Variants in PGK2 observed in about 807,000 individuals in gnomAD.
The protein encoded by PGK2 is epididymis secretory protein Li 272.
PGK2 carries 5 observed loss-of-function variants against 5.2 expected under a neutral mutation model. That is an observed-to-expected ratio of 0.96 (90% CI 0.50 to 2.01). The LOEUF (loss-of-function observed/expected upper bound fraction) is 2.01. Among genes scored for constraint, PGK2 ranks in the 30% most tolerant of loss-of-function variants. The probability of loss-of-function intolerance (pLI) is 0.01; values close to 1 mark genes in which losing one functional copy is unlikely to be tolerated. For missense variants in PGK2, 588 were observed against 506.8 expected (o/e 1.16, Z -1.54); for synonymous variants, 210 against 182.6 (o/e 1.15, Z -1.21).
chr6:49,787,264 G>A lies in PGK2; in HGVS notation c.-77C>T, dbSNP rs2127460135. ...CAACTTGCTGTTGAGGGGCTGGGTC[G>A]GTGGTGACTTCTAACGCCTTTGCCC... On this transcript the variant is annotated 5_prime_UTR_variant, in exon 1 of 1. Coordinates refer to ENST00000304801, the MANE Select transcript of PGK2 (RefSeq NM_138733.5). 4 of 1,068,342 alleles carry A rather than the reference G, an allele frequency of 3.7e-6. No homozygotes were observed. The highest frequency in any genetic ancestry group is 5.6e-6 in the Non-Finnish European group (4 of 710,956). The allele number at this position is 1,068,342 out of a possible 1,614,324, so 66.2% of individuals were successfully genotyped here. A position where few individuals can be genotyped will look rare whatever the true frequency, so the allele number is the denominator to read the frequency against.
In PGK2 at chr6:49,787,238, C is replaced by A. The variant is rs769426352; in HGVS notation, c.-51G>T. 1.4e-6 allele frequency: 2 copies of A among 1,438,198 alleles called. No homozygotes were observed. Among genetic ancestry groups the A allele is most frequent in the Non-Finnish European group, 1.9e-6 (2 of 1,038,796 alleles). The allele number at this position is 1,438,198 out of a possible 1,614,324, so 89.1% of individuals were successfully genotyped here. A position where few individuals can be genotyped will look rare whatever the true frequency, so the allele number is the denominator to read the frequency against. ...ACACCTGGATCTTAATGCTGAAGAA[C>A]CAACTTGCTGTTGAGGGGCTGGGTC... On this transcript the variant is annotated 5_prime_UTR_variant, in exon 1 of 1. Coordinates refer to ENST00000304801, the MANE Select transcript of PGK2 (RefSeq NM_138733.5).
chr6:49,786,653 C>G lies in PGK2; in HGVS notation c.535G>C (p.Val179Leu), dbSNP rs1353302454. ...CCGGATGCTTTATGGGGCAGATTCA[C>G]TCCCACCATGGAACTATGAGCGCGG... ...AHRAHSSMVG[V>L]NLPHKASGFL... Residue 179 changes from valine to leucine, a missense_variant, in exon 1 of 1, where the codon GTG (valine) becomes CTG (leucine). Transcript: ENST00000304801. The G allele has an allele frequency of 1.2e-6, 2 of 1,614,020 alleles. No homozygotes were observed. Among genetic ancestry groups the G allele is most frequent in the African/African-American group, 1.3e-5 (1 of 74,922 alleles).
In PGK2 at chr6:49,785,682, G is replaced by A; in HGVS notation, c.*252C>T. The stretch of plus-strand genomic sequence containing the variant: ...TTCTTCAGCTCACTTTCTTTAATAG[G>A]CAACTTAAGAATATGTCCTCCCTAG... On this transcript the variant is annotated 3_prime_UTR_variant, in exon 1 of 1. Transcript: ENST00000304801. 2.6e-6 allele frequency: 1 copy of A among 389,186 alleles called. No homozygotes were observed. 24.1% of individuals were successfully genotyped at this position (389,186 alleles called of 1,614,324 possible).
Position 49,785,957 on chromosome 6 carries a change from C to T in PGK2, c.1231G>A (p.Val411Ile), listed in dbSNP as rs1388619639. ...AACTACATGTTGCTGAGGGCCTCTA[C>T]TCCAGGAAGGATTTTACCTTCCAGA... ...ELLEGKILPG[V>I]EALSNM The change falls in exon 1 of 1, where the codon GTA becomes ATA. Residue 411 changes from valine (V) to isoleucine (I), a missense_variant. Val to Ile is a conservative substitution (Grantham distance 29, BLOSUM62 3). Coordinates refer to ENST00000304801, the MANE Select transcript of PGK2 (RefSeq NM_138733.5). 3 of 1,614,070 alleles carry T rather than the reference C, an allele frequency of 1.9e-6. No homozygotes were observed. The highest frequency in any genetic ancestry group is 4.5e-5 in the East Asian group (2 of 44,878).
Position 49,786,585 on chromosome 6 carries a change from C to T in PGK2, c.603G>A (p.Leu201=), listed in dbSNP as rs1334002637. Residue 201 remains leucine, a synonymous_variant, in exon 1 of 1, where the codon TTG becomes TTA. Transcript: ENST00000304801. ...KKELDYFAKA[L]ENPVRPFLAI... ...CCAGAAAGGGTCTCACTGGGTTTTC[C>T]AAGGCTTTAGCAAAGTAATCTAGTT... The T allele has an allele frequency of 2.5e-6, 4 of 1,613,974 alleles. No individual in the cohort carries two copies. Among genetic ancestry groups the T allele is most frequent in the Non-Finnish European group, 3.4e-6 (4 of 1,180,030 alleles).
chr6:49,785,927 A>G lies in PGK2; in HGVS notation c.*7T>C. ...ACAGAAAACAGAAGGAAGTAACACT[A>G]TATTAACTACATGTTGCTGAGGGCC... On this transcript the variant is annotated 3_prime_UTR_variant, in exon 1 of 1. Transcript: ENST00000304801. 6.2e-7 allele frequency: 1 copy of G among 1,610,990 alleles called. No individual in the cohort carries two copies.
rs1190573172 is a variant in PGK2, at chr6:49,787,175, TAGAA to T, written c.9_12del (p.Ser4ArgfsTer3). 33 of 1,611,844 alleles carry T rather than the reference TAGAA, an allele frequency of 2.0e-5. No individual in the cohort carries two copies. The highest frequency in any genetic ancestry group is 5.3e-5 in the African/African-American group (4 of 74,838). On this transcript the variant is annotated frameshift_variant, in exon 1 of 1. Coordinates refer to ENST00000304801, the MANE Select transcript of PGK2 (RefSeq NM_138733.5). LOFTEE classifies it low-confidence loss of function (END_TRUNC). ...TCCAGTTTGTCTAAAGTCAACTTCT[TAGAA>T]AGAGACATCTTGACAATATAAAGAC...
Position 49,786,669 on chromosome 6 carries a change from A to C in PGK2, c.519T>G (p.His173Gln). 6.2e-7 allele frequency: 1 copy of C among 1,614,158 alleles called. No individual in the cohort carries two copies. Among genetic ancestry groups the C allele is most frequent in the Non-Finnish European group, 8.5e-7 (1 of 1,180,022 alleles). The change falls in exon 1 of 1, where the codon CAT becomes CAG. Residue 173 changes from histidine to glutamine, a missense_variant. His to Gln is a conservative substitution (Grantham distance 24). Coordinates refer to ENST00000304801, the MANE Select transcript of PGK2 (RefSeq NM_138733.5). Reference protein sequence around the residue: ...NDAFGTAHRAHSSMVGVNLPH... With the variant: ...NDAFGTAHRAQSSMVGVNLPH... Reference sequence around the variant, plus strand: ...GCAGATTCACTCCCACCATGGAACTATGAGCGCGGTGTGCAGTGCCAAAAG... The same window carrying C: ...GCAGATTCACTCCCACCATGGAACTCTGAGCGCGGTGTGCAGTGCCAAAAG...
At position 49,785,839 on chromosome 6, in the gene PGK2, GAGTAGATTTTAACAAA is replaced by G; in HGVS notation, c.*79_*94del. 1.0e-6 allele frequency: 1 copy of G among 958,266 alleles called. No homozygotes were observed. The highest frequency in any genetic ancestry group is 1.6e-6 in the Non-Finnish European group (1 of 624,890). The allele number at this position is 958,266 out of a possible 1,614,324, so 59.4% of individuals were successfully genotyped here. ...GTCCATTACATAGGTCTTGATCTAG[GAGTAGATTTTAACAAA>G]AGTCACATCGAGATGTAAAAGCATT... On this transcript the variant is annotated 3_prime_UTR_variant, in exon 1 of 1. Coordinates refer to ENST00000304801, the MANE Select transcript of PGK2 (RefSeq NM_138733.5).
chr6:49,786,185 CA>C lies in PGK2; in HGVS notation c.1002del (p.Ile334MetfsTer7). ...AATACTCCTAACGGCCCATTCCAAACAATTAGCCTTGCTTGAGCCACAACTT... is the reference window on the plus strand; with the variant it reads ...AATACTCCTAACGGCCCATTCCAAACATTAGCCTTGCTTGAGCCACAACTT... ...HAQVVAQARLIVWNGPLGVFE... is the reference protein window; with the variant it reads ...HAQVVAQARLXVWNGPLGVFE... On this transcript the variant is annotated frameshift_variant, in exon 1 of 1. Transcript: ENST00000304801. LOFTEE classifies it high-confidence loss of function. 6.2e-7 allele frequency: 1 copy of C among 1,614,094 alleles called. No homozygotes were observed. The highest frequency in any genetic ancestry group is 8.5e-7 in the Non-Finnish European group (1 of 1,180,008).
In PGK2 at chr6:49,786,289, T is replaced by A. The variant is rs1561922086; in HGVS notation, c.899A>T (p.Lys300Ile). ...AGATATGCCAGATGCTACAGTGGCTTTTCCAACCTGAGCGTTCTCGTCAAA... is the reference window on the plus strand; with the variant it reads ...AGATATGCCAGATGCTACAGTGGCTATTCCAACCTGAGCGTTCTCGTCAAA... ...DKFDENAQVG[K>I]ATVASGISPG... Residue 300 changes from lysine to isoleucine, a missense_variant, in exon 1 of 1, where the codon AAA becomes ATA. Physicochemically the swap from Lys to Ile is moderately radical, Grantham distance 102 (BLOSUM62 -3). Transcript: ENST00000304801. The A allele has an allele frequency of 1.9e-6, 3 of 1,614,178 alleles. No individual in the cohort carries two copies. The Admixed American group carries it at 5.0e-5, about 27-fold the overall frequency.
In PGK2 at chr6:49,786,735, T is replaced by A. The variant is rs754301345; in HGVS notation, c.453A>T (p.Arg151=). The change falls in exon 1 of 1, where the codon CGA becomes CGT. Residue 151 remains arginine (R), a synonymous_variant. Transcript: ENST00000304801. Reference sequence around the variant, plus strand: ...CGTCCCCTAGCTTGGAAAGTGATGCTCGGAAGGCTTCTATTTTATCTGGCT... The same window carrying A: ...CGTCCCCTAGCTTGGAAAGTGATGCACGGAAGGCTTCTATTTTATCTGGCT... ...KAEPDKIEAF[R]ASLSKLGDVY... 1.2e-6 allele frequency: 2 copies of A among 1,614,008 alleles called. No individual in the cohort carries two copies.
At position 49,786,056 on chromosome 6, in the gene PGK2, T is replaced by C; in HGVS notation, c.1132A>G (p.Thr378Ala). The change falls in exon 1 of 1, where the codon ACT (threonine) becomes GCT (alanine). Residue 378 changes from threonine to alanine, a missense_variant. By Grantham distance (58) the Thr-to-Ala change is moderately conservative. Coordinates refer to ENST00000304801, the MANE Select transcript of PGK2 (RefSeq NM_138733.5). The stretch of plus-strand genomic sequence containing the variant: ...TCAGTGTTCCATTTGGCACAGCAAG[T>C]AGCAGTGTCTCCACCCCCTATAACA... ...ITVIGGGDTATCCAKWNTEDK... is the reference protein window; with the variant it reads ...ITVIGGGDTAACCAKWNTEDK... 1.2e-6 allele frequency: 2 copies of C among 1,614,158 alleles called. No homozygotes were observed. Among genetic ancestry groups the C allele is most frequent in the Admixed American group, 1.7e-5 (1 of 60,006 alleles).
Position 49,786,041 on chromosome 6 carries a change from A to G in PGK2, c.1147T>C (p.Trp383Arg). The G allele has an allele frequency of 6.2e-7, 1 of 1,614,120 alleles. No homozygotes were observed. Residue 383 changes from tryptophan (W) to arginine (R), a missense_variant, in exon 1 of 1, where the codon TGG becomes CGG. By Grantham distance (101) the Trp-to-Arg change is moderately radical (BLOSUM62 -3). Transcript: ENST00000304801. ...TGGCTGACTTTATCTTCAGTGTTCC[A>G]TTTGGCACAGCAAGTAGCAGTGTCT... ...GGDTATCCAKWNTEDKVSHVS... is the reference protein window; with the variant it reads ...GGDTATCCAKRNTEDKVSHVS...
Position 49,786,703 on chromosome 6 carries a change from A to T in PGK2, c.485T>A (p.Val162Asp). Residue 162 changes from valine to aspartate, a missense_variant, in exon 1 of 1, where the codon GTC becomes GAC. Val to Asp is a radical substitution (Grantham distance 152). Transcript: ENST00000304801. ...GTGTGCAGTGCCAAAAGCATCATTGACATAGACGTCCCCTAGCTTGGAAAG... is the reference window on the plus strand; with the variant it reads ...GTGTGCAGTGCCAAAAGCATCATTGTCATAGACGTCCCCTAGCTTGGAAAG... ...ASLSKLGDVY[V>D]NDAFGTAHRA... 6.2e-7 allele frequency: 1 copy of T among 1,614,152 alleles called. No homozygotes were observed. The highest frequency in any genetic ancestry group is 8.5e-7 in the Non-Finnish European group (1 of 1,180,026).
In PGK2 at chr6:49,786,795, C is replaced by A; in HGVS notation, c.393G>T (p.Lys131Asn). 1 of 1,614,110 alleles carries A rather than the reference C, an allele frequency of 6.2e-7. No homozygotes were observed. The highest frequency in any genetic ancestry group is 8.5e-7 in the Non-Finnish European group (1 of 1,180,008). The part of the protein sequence containing the change: ...NLRFHVEEEG[K>N]GQDPSGKKIK... The stretch of plus-strand genomic sequence containing the variant: ...TCTTCTTTCCAGAGGGATCTTGGCC[C>A]TTCCCTTCTTCCTCCACATGAAAGC... Residue 131 changes from lysine (K) to asparagine (N), a missense_variant, in exon 1 of 1, where the codon AAG (lysine) becomes AAT (asparagine). Coordinates refer to ENST00000304801, the MANE Select transcript of PGK2 (RefSeq NM_138733.5).
rs986439752 is a variant in PGK2, at chr6:49,785,870, G to A, written c.*64C>T. 7.5e-7 allele frequency: 1 copy of A among 1,336,640 alleles called. No homozygotes were observed. The highest frequency in any genetic ancestry group is 2.3e-5 in the East Asian group (1 of 43,360). The allele number at this position is 1,336,640 out of a possible 1,614,324, so 82.8% of individuals were successfully genotyped here. A position where few individuals can be genotyped will look rare whatever the true frequency, so the allele number is the denominator to read the frequency against. On this transcript the variant is annotated 3_prime_UTR_variant, in exon 1 of 1. Coordinates refer to ENST00000304801, the MANE Select transcript of PGK2 (RefSeq NM_138733.5). ...ATTTTAACAAAAGTCACATCGAGAT[G>A]TAAAAGCATTAAGCTGACTTAAGGG...
At position 49,786,163 on chromosome 6, in the gene PGK2, A is replaced by T; in HGVS notation, c.1025T>A (p.Val342Glu). ...RLIVWNGPLG[V>E]FEWDAFAKGT... ...CTTAGCAAAGGCATCCCATTCAAAT[A>T]CTCCTAACGGCCCATTCCAAACAAT... The change falls in exon 1 of 1, where the codon GTA (valine) becomes GAA (glutamate). Residue 342 changes from valine to glutamate, a missense_variant. Val to Glu is a moderately radical substitution (Grantham distance 121). Coordinates refer to ENST00000304801, the MANE Select transcript of PGK2 (RefSeq NM_138733.5). 1 of 1,613,808 alleles carries T rather than the reference A, an allele frequency of 6.2e-7. No individual in the cohort carries two copies. The highest frequency in any genetic ancestry group is 8.5e-7 in the Non-Finnish European group (1 of 1,179,958).
At position 49,785,784 on chromosome 6, in the gene PGK2, A is replaced by C; in HGVS notation, c.*150T>G. 1 of 635,052 alleles carries C rather than the reference A, an allele frequency of 1.6e-6. No individual in the cohort carries two copies. The highest frequency in any genetic ancestry group is 1.8e-5 in the African/African-American group (1 of 54,678). 39.3% of individuals were successfully genotyped at this position (635,052 alleles called of 1,614,324 possible). ...CAAACTAAAATGAATTGCTGTGCTG[A>C]TATTAAGAGTTCCTGATGGCCTGCT... On this transcript the variant is annotated 3_prime_UTR_variant, in exon 1 of 1. Coordinates refer to ENST00000304801, the MANE Select transcript of PGK2 (RefSeq NM_138733.5).
Sources: gnomAD v4.1 joint callset for allele counts on GRCh38, gnomAD v4.1.1 for gene constraint, MANE v1.5 for transcripts, NCBI Gene and HGNC (gene_info 2026-07-23, HGNC 2026-07-21) for gene names.